The following RRAGD variants were observed in gnomAD, a reference collection of about 807,000 sequenced individuals.
RRAGD encodes ras-related GTP-binding protein D.
Under a neutral mutation model 35.5 loss-of-function variants are expected in RRAGD, and 12 were observed. The observed-to-expected ratio is 0.34, with a 90% CI of 0.22 to 0.55. The LOEUF (loss-of-function observed/expected upper bound fraction) is 0.55, where lower values mean the gene tolerates loss of function less well. Ranked by LOEUF, RRAGD falls within the 20% of genes least tolerant of loss-of-function variation. The pLI, the probability that RRAGD is intolerant of heterozygous loss-of-function variation, is 0.91. For synonymous variants in RRAGD, 155 were observed against 178.9 expected (o/e 0.87, Z 1.07); for missense variants, 324 against 490.1 (o/e 0.66, Z 3.20).
At chr6:89,380,701 A>G (rs1769027559) in intron 2 of RRAGD, among the ~76,000 whole-genome samples, 1 of 152,030 alleles carries the variant, frequency 6.6e-6, no homozygotes, top group South Asian at 2.1e-4. Flanking sequence ...AGGTCAGGAG[A>G]TTGAGACCAT....
At chr6:89,409,389 C>A (rs971293436) in intron 1 of RRAGD, among the ~76,000 whole-genome samples, 1 of 152,190 alleles carries the variant, frequency 6.6e-6, no homozygotes, top group African/African-American at 2.4e-5. Flanking sequence ...GGCACTAAAC[C>A]AAGCTATTAG....
At chr6:89,405,362 A>AG (rs1769558487) in intron 1 of RRAGD, among the ~76,000 whole-genome samples, 1 of 151,458 alleles carries the variant, frequency 6.6e-6, no homozygotes, top group East Asian at 1.9e-4. Context: ...TCAAAAAAAA[A>AG]AAAAAAAAAA....
At chr6:89,404,977 T>C (rs1429457514) in intron 1 of RRAGD, among the ~76,000 whole-genome samples, 1 of 152,128 alleles carries the variant, frequency 6.6e-6, no homozygotes, top group African/African-American at 2.4e-5. Flanking sequence ...AGAAGTATTA[T>C]AATTAAGGAG....
rs1359398703 is a variant in RRAGD, at chr6:89,380,381, C to G, written c.445-14G>C. ...CATGTAATCATCCTAGGACCAAAGG[C>G]AACGCCTGTGAGAGAAGGCCGCTTT... is the stretch of plus-strand genomic sequence containing the variant. On this transcript the variant is annotated splice_polypyrimidine_tract_variant and intron_variant, in intron 2 of 6. Transcript: ENST00000369415. 3.1e-6 allele frequency: 5 copies of G among 1,611,956 alleles called. No individual in the cohort carries two copies. In the African/African-American group the frequency reaches 6.7e-5, roughly 22 times the overall value.
intron 4 of RRAGD, 28 bp downstream of exon 4, chr6:89,379,196 G>C (rs772537922): frequency 8.6e-7 from 1 of 1,165,826 alleles, no homozygotes; most frequent in African/African-American, 1.5e-5. Flanking sequence ...TTCTACAAGT[G>C]ACTCAAACAG....
chr6:89,380,915 A>AAG (rs1260935785), intron 2 of RRAGD, among the ~76,000 whole-genome samples: 1 of 150,994 alleles, frequency 6.6e-6, no homozygotes, highest in African/African-American at 2.4e-5. Context: ...ACAAAAAGAA[A>AAG]AAAAAAAAAA....
chr6:89,389,265 G>A (rs1769189542), intron 1 of RRAGD, among the ~76,000 whole-genome samples: 1 of 152,098 alleles, frequency 6.6e-6, no homozygotes, highest in African/African-American at 2.4e-5. Flanking sequence ...GATAAAAGTA[G>A]GAGTTGGTGG....
intron 1 of RRAGD, among the ~76,000 whole-genome samples, chr6:89,402,826 C>A (rs535860186): frequency 2.0e-5 from 3 of 152,152 alleles, no homozygotes; most frequent in Non-Finnish European, 2.9e-5. Context: ...AAAGTGAGGG[C>A]ATGTTTGAGG....
At position 89,374,770 on chromosome 6, in the gene RRAGD, G is replaced by GTTT. The variant is rs71759453; in HGVS notation, c.903-2188_903-2186dup. Among the ~76,000 whole-genome samples, 35 of 149,984 alleles carry GTTT rather than the reference G, an allele frequency of 2.3e-4. No homozygotes were observed. The South Asian group carries it at 6.5e-3, about 28-fold the overall frequency. On this transcript the variant is annotated intron_variant, in intron 5 of 6. Transcript: ENST00000369415. ...TAAATTGTGGAAGTTCGTATTTTTTGTTTTTTTTAAAGGATTCAACTCACT... is the reference window on the plus strand; with the variant it reads ...TAAATTGTGGAAGTTCGTATTTTTTGTTTTTTTTTTTAAAGGATTCAACTCACT...
chr6:89,366,995 A>G lies in RRAGD; in HGVS notation c.*1061T>C, dbSNP rs1768762856. 6.6e-6 allele frequency: 1 copy of G among 152,244 alleles called. No homozygotes were observed. The highest frequency in any genetic ancestry group is 2.1e-4 in the South Asian group (1 of 4,832). The allele number at this position is 152,244 out of a possible 1,614,324, so 9.4% of individuals were successfully genotyped here. On this transcript the variant is annotated 3_prime_UTR_variant, in exon 7 of 7. Transcript: ENST00000369415. ...TGTGGAGGTGACAAAAGTGACTAAC[A>G]GGATTGAGCTCCATGGTGGGGTTCT...
chr6:89,368,867 A>G (rs1768804061), intron 6 of RRAGD, among the ~76,000 whole-genome samples: 1 of 152,204 alleles, frequency 6.6e-6, no homozygotes, highest in African/African-American at 2.4e-5. Flanking sequence ...AATAGAATAA[A>G]AGATAATCCA....
chr6:89,397,634 CT>C (rs1327358336), intron 1 of RRAGD, among the ~76,000 whole-genome samples: 1 of 137,688 alleles, frequency 7.3e-6, no homozygotes, highest in Non-Finnish European at 1.7e-5. Flanking sequence ...CAAAAAAAAC[CT>C]GTAAACAACC....
intron 1 of RRAGD, among the ~76,000 whole-genome samples, chr6:89,406,469 C>T (rs1293600291): frequency 6.6e-6 from 1 of 151,992 alleles, no homozygotes; most frequent in Non-Finnish European, 1.5e-5. Context: ...AGCGGCTGGA[C>T]ATCGAGAGGA....
intron 5 of RRAGD, among the ~76,000 whole-genome samples, chr6:89,377,061 ATTCT>A (rs1768961190): frequency 6.6e-6 from 1 of 152,234 alleles, no homozygotes; most frequent in African/African-American, 2.4e-5. Flanking sequence ...TAGTAAATAT[ATTCT>A]TTCTTATAAT....
At chr6:89,386,094 C>T (rs1769133063) in intron 2 of RRAGD, among the ~76,000 whole-genome samples, 1 of 152,224 alleles carries the variant, frequency 6.6e-6, no homozygotes, top group African/African-American at 2.4e-5. Flanking sequence ...GGAAAGGGCA[C>T]AACCTGAACC....
chr6:89,400,961 G>A (rs1433162725), intron 1 of RRAGD, among the ~76,000 whole-genome samples: 19 of 152,160 alleles, frequency 1.2e-4, no homozygotes, highest in Admixed American at 6.5e-5. Context: ...CTGAACACTG[G>A]CCAAGTGTGA....
At position 89,411,696 on chromosome 6, in the gene RRAGD, T is replaced by C. The variant is rs536924512; in HGVS notation, c.148+150A>G. On this transcript the variant is annotated intron_variant, in intron 1 of 6. Transcript: ENST00000369415. The surrounding 1 kb of genome is among the most constrained non-coding windows in gnomAD (Gnocchi z 5.6). ...ATTTGGCAGCTCGAGGTCGGGCTTT[T>C]GGCGTCCCTCCCCACCCCAAACCCT... The C allele has an allele frequency of 9.3e-6, 8 of 857,822 alleles. No homozygotes were observed. Among genetic ancestry groups the C allele is most frequent in the Non-Finnish European group, 1.4e-5 (8 of 581,920 alleles). 53.1% of individuals were successfully genotyped at this position (857,822 alleles called of 1,614,324 possible).
intron 1 of RRAGD, among the ~76,000 whole-genome samples, chr6:89,409,583 A>C (rs1187345207): frequency 6.6e-6 from 1 of 152,228 alleles, no homozygotes; most frequent in Non-Finnish European, 1.5e-5. Context: ...AGCCTTTTGA[A>C]GGGCACAGGA....
At position 89,411,743 on chromosome 6, in the gene RRAGD, A is replaced by C. The variant is rs2127901074; in HGVS notation, c.148+103T>G. On this transcript the variant is annotated intron_variant, in intron 1 of 6. Coordinates refer to ENST00000369415, the MANE Select transcript of RRAGD (RefSeq NM_021244.5). This position sits in a 1 kb window ranked among gnomAD's most constrained non-coding sequence, Gnocchi z 5.6. ...CCCTCAACTGGACCCGCTCCCCTGGACCCCCTCCAAGTCGGTGGCTCGCGC... is the reference window on the plus strand; with the variant it reads ...CCCTCAACTGGACCCGCTCCCCTGGCCCCCCTCCAAGTCGGTGGCTCGCGC... 1 of 1,262,968 alleles carries C rather than the reference A, an allele frequency of 7.9e-7. No homozygotes were observed. The allele number at this position is 1,262,968 out of a possible 1,614,324, so 78.2% of individuals were successfully genotyped here. A position where few individuals can be genotyped will look rare whatever the true frequency, so the allele number is the denominator to read the frequency against.
Sources: allele counts gnomAD v4.1 joint callset (sites outside exome capture counted in the v4.1 genomes callset), GRCh38; gene constraint gnomAD v4.1.1; non-coding constraint Gnocchi (gnomAD v3.1); transcripts MANE v1.5; gene names NCBI Gene and HGNC (gene_info 2026-07-23, HGNC 2026-07-21).